Variants in EPS15 observed in about 807,000 individuals in gnomAD.
EPS15 encodes epidermal growth factor receptor pathway substrate 15.
Under a neutral mutation model 113.8 loss-of-function variants are expected in EPS15, and 72 were observed. The observed-to-expected ratio is 0.63, with a 90% CI of 0.52 to 0.77. The LOEUF (loss-of-function observed/expected upper bound fraction) is 0.77, where lower values mean the gene tolerates loss of function less well. Among genes scored for constraint, EPS15 ranks in the 30% least tolerant of loss-of-function variants. The probability of loss-of-function intolerance (pLI) is 0.00; values close to 1 mark genes in which losing one functional copy is unlikely to be tolerated. For synonymous variants in EPS15, 344 were observed against 363.4 expected (o/e 0.95, Z 0.61); for missense variants, 1,048 against 1,045.8 (o/e 1.00, Z -0.03).
At chr1:51,406,281 G>C (rs763854640) in intron 15 of EPS15, among the ~76,000 whole-genome samples, 173 bp from the exon 16 acceptor site, 3 of 152,100 alleles carry the variant, frequency 2.0e-5, no homozygotes, top group Non-Finnish European at 2.9e-5. Flanking sequence ...TTCAAGACCA[G>C]CCTGAGCAAC....
At chr1:51,433,409 A>G (rs559473951) in intron 12 of EPS15, among the ~76,000 whole-genome samples, 1 of 152,276 alleles carries the variant, frequency 6.6e-6, no homozygotes, top group Non-Finnish European at 1.5e-5. Context: ...ACTGAGGTAC[A>G]GATAGTTAAG....
chr1:51,374,637 A>G (rs1646743056), intron 21 of EPS15, among the ~76,000 whole-genome samples: 1 of 152,192 alleles, frequency 6.6e-6, no homozygotes, highest in Non-Finnish European at 1.5e-5. Context: ...AAAACCCAGT[A>G]AGAATTCTAA....
intron 1 of EPS15, among the ~76,000 whole-genome samples, chr1:51,505,099 G>T (rs542837256): frequency 1.3e-4 from 19 of 151,574 alleles, no homozygotes; most frequent in African/African-American, 4.6e-4. Flanking sequence ...CAGCCTGGGT[G>T]AAAGAGTGAG....
At chr1:51,405,797 T>G in intron 16 of EPS15, 108 bp downstream of exon 16, 2 of 847,812 alleles carry the variant, frequency 2.4e-6, no homozygotes, top group South Asian at 3.1e-5. Flanking sequence ...AAATCTCAAT[T>G]GTCCTCAGAT....
At chr1:51,408,598 G>A (rs983356236) in intron 14 of EPS15, among the ~76,000 whole-genome samples, 1 of 151,710 alleles carries the variant, frequency 6.6e-6, no homozygotes, top group African/African-American at 2.4e-5. Flanking sequence ...CCCTATTATG[G>A]AGTTTTTGAT....
intron 1 of EPS15, among the ~76,000 whole-genome samples, chr1:51,516,674 A>C (rs1644723796): frequency 6.6e-6 from 1 of 152,246 alleles, no homozygotes; most frequent in African/African-American, 2.4e-5. Context: ...TAAAGGCAAG[A>C]AATTATAAAC....
In EPS15 at chr1:51,384,299, T is replaced by C. The variant is rs916087364; in HGVS notation, c.2119+10082A>G. Reference sequence around the variant, plus strand: ...CAGTCTTTTTCTTTTTCTTTCTTTCTTTTTTTTTTTTTTTTTTTTGAGACA... The same window carrying C: ...CAGTCTTTTTCTTTTTCTTTCTTTCCTTTTTTTTTTTTTTTTTTTGAGACA... On this transcript the variant is annotated intron_variant, in intron 21 of 24. Transcript: ENST00000371733. Among the ~76,000 whole-genome samples the C allele has an allele frequency of 1.4e-3, 28 of 19,728 alleles. No individual in the cohort carries two copies. The South Asian group carries it at 0.037, about 26-fold the overall frequency. 12.9% of individuals were successfully genotyped at this position (19,728 alleles called of 152,430 possible). A position where few individuals can be genotyped will look rare whatever the true frequency, so the allele number is the denominator to read the frequency against.
chr1:51,384,286 T>TTTTC (rs200989196), intron 21 of EPS15, among the ~76,000 whole-genome samples: 1 of 140,798 alleles, frequency 7.1e-6, no homozygotes, highest in Non-Finnish European at 1.5e-5. Flanking sequence ...GTCTTTTTCT[T>TTTTC]TTTCTTTCTT....
Position 51,448,043 on chromosome 1 carries a change from G to A in EPS15, c.651+3C>T. On this transcript the variant is annotated splice_donor_region_variant and intron_variant, in intron 9 of 24. Transcript: ENST00000371733. Reference sequence around the variant, plus strand: ...TCAACCGCACAGAGCCTGATATACTGACCGTTTTTCTCTTAGATGGTGGCA... The same window carrying A: ...TCAACCGCACAGAGCCTGATATACTAACCGTTTTTCTCTTAGATGGTGGCA... 1 of 1,613,334 alleles carries A rather than the reference G, an allele frequency of 6.2e-7. No individual in the cohort carries two copies. The highest frequency in any genetic ancestry group is 8.5e-7 in the Non-Finnish European group (1 of 1,179,470).
At position 51,483,613 on chromosome 1, in the gene EPS15, T is replaced by C. The variant is rs555167915; in HGVS notation, c.34-2299A>G. 2.6e-5 allele frequency among the ~76,000 whole-genome samples: 4 copies of C among 152,074 alleles called. No individual in the cohort carries two copies. The South Asian group carries it at 6.2e-4, about 24-fold the overall frequency. ...ACGAGGTCAGGAGATCAAGACCATC[T>C]TGGCCAACATGGTGAAAGCCCGTCT... On this transcript the variant is annotated intron_variant, in intron 1 of 24. Coordinates refer to ENST00000371733, the MANE Select transcript of EPS15 (RefSeq NM_001981.3).
At chr1:51,516,970 A>T (rs1034078031) in intron 1 of EPS15, among the ~76,000 whole-genome samples, 5 of 152,160 alleles carry the variant, frequency 3.3e-5, no homozygotes, top group African/African-American at 1.2e-4. Context: ...GAGAGTGGGC[A>T]GGGTGGGGGG....
chr1:51,424,612 A>C (rs538669880), intron 12 of EPS15, among the ~76,000 whole-genome samples: 4 of 152,302 alleles, frequency 2.6e-5, no homozygotes, highest in African/African-American at 9.6e-5. Flanking sequence ...TTTCAAAAAT[A>C]GGTGTGTGAG....
Position 51,399,040 on chromosome 1 carries a change from T to C in EPS15, c.2044A>G (p.Ile682Val). The C allele has an allele frequency of 1.2e-6, 2 of 1,613,202 alleles. No individual in the cohort carries two copies. Among genetic ancestry groups the C allele is most frequent in the Non-Finnish European group, 1.7e-6 (2 of 1,179,618 alleles). The change falls in exon 20 of 25, where the codon ATT (isoleucine) becomes GTT (valine). Residue 682 changes from isoleucine (I) to valine (V), a missense_variant. By Grantham distance (29) the Ile-to-Val change is conservative. Transcript: ENST00000371733. The stretch of plus-strand genomic sequence containing the variant: ...TTAATTCTCCCACTTACCGATGTAA[T>C]ACTGCTATTGTTGGCTGCACTGAAA... The part of the protein sequence containing the change: ...DPFSAANNSS[I>V]TSVETLKHND...
chr1:51,402,264 T>C (rs1305252970), intron 18 of EPS15, among the ~76,000 whole-genome samples, 171 bp downstream of exon 18: 3 of 152,256 alleles, frequency 2.0e-5, no homozygotes, highest in Non-Finnish European at 2.9e-5. Context: ...GGAGAATCGC[T>C]TGAACCCAGG....
chr1:51,369,849 C>T (rs955666503), intron 21 of EPS15, among the ~76,000 whole-genome samples: 2 of 152,132 alleles, frequency 1.3e-5, no homozygotes, highest in Non-Finnish European at 2.9e-5. Flanking sequence ...ACAGCTGTAT[C>T]CTCAAGGCCT....
chr1:51,414,134 C>T (rs1017500357), intron 13 of EPS15, among the ~76,000 whole-genome samples: 6 of 152,026 alleles, frequency 3.9e-5, no homozygotes, highest in African/African-American at 1.2e-4. Flanking sequence ...TCTATTGAGC[C>T]GGCAAAGTGG....
At chr1:51,410,540 A>G (rs1179344953) in intron 13 of EPS15, among the ~76,000 whole-genome samples, 2 of 152,228 alleles carry the variant, frequency 1.3e-5, no homozygotes, top group Non-Finnish European at 2.9e-5. Flanking sequence ...AATGTTATTT[A>G]TTCATCCATG....
chr1:51,388,144 C>G (rs1453665615), intron 21 of EPS15, among the ~76,000 whole-genome samples: 1 of 152,126 alleles, frequency 6.6e-6, no homozygotes, highest in East Asian at 1.9e-4. Flanking sequence ...TGCAATCAAA[C>G]TAGAACTCAG....
chr1:51,402,090 T>C (rs1648614937), intron 18 of EPS15, among the ~76,000 whole-genome samples: 1 of 152,230 alleles, frequency 6.6e-6, no homozygotes, highest in Admixed American at 6.5e-5. Flanking sequence ...TGAGCCGAGA[T>C]TGTGCCACTG....
Sources: allele counts gnomAD v4.1 joint callset (sites outside exome capture counted in the v4.1 genomes callset), GRCh38; gene constraint gnomAD v4.1.1; transcripts MANE v1.5; gene names NCBI Gene and HGNC (gene_info 2026-07-23, HGNC 2026-07-21).